Variants in TAFA1 observed in about 807,000 individuals in gnomAD.
The protein encoded by TAFA1 is TAFA chemokine like family member 1.
In TAFA1, 4 loss-of-function variants were observed where a neutral mutation model predicts 18.5. That is an observed-to-expected ratio of 0.22 (90% confidence interval 0.11 to 0.49). The LOEUF (loss-of-function observed/expected upper bound fraction) is 0.49. Ranked by LOEUF, TAFA1 falls within the 20% of genes least tolerant of loss-of-function variation. The pLI, the probability that TAFA1 is intolerant of heterozygous loss-of-function variation, is 0.98. For synonymous variants in TAFA1, 56 were observed against 55.2 expected, an observed-to-expected ratio of 1.01 and a Z score of -0.06; for missense variants, 147 against 169.0, an observed-to-expected ratio of 0.87 and a Z score of 0.72.
intron 2 of TAFA1, among the ~76,000 whole-genome samples, chr3:68,363,001 A>C (rs930089922): frequency 9.7e-5 from 3 of 31,040 alleles, no homozygotes; most frequent in African/African-American, 4.2e-4. Context: ...TTTTTTTTTA[A>C]ATACAGTTTA....
intron 2 of TAFA1, among the ~76,000 whole-genome samples, chr3:68,070,179 C>T (rs912161086): frequency 3.3e-5 from 5 of 152,352 alleles, no homozygotes; most frequent in African/African-American, 1.2e-4. Flanking sequence ...TTACAGCAAA[C>T]TTCTGCCTGA....
intron 3 of TAFA1, among the ~76,000 whole-genome samples, chr3:68,530,792 C>T (rs1276917724): frequency 6.6e-6 from 1 of 151,954 alleles, no homozygotes; most frequent in Non-Finnish European, 1.5e-5. Context: ...GATAAGTTGG[C>T]TCTTGCTTGA....
intron 3 of TAFA1, among the ~76,000 whole-genome samples, chr3:68,444,126 T>A (rs1302339002): frequency 2.6e-5 from 4 of 152,162 alleles, no homozygotes. Context: ...GAAGGGAGTG[T>A]CAGGCAGTGT....
chr3:68,430,762 ACT>A (rs1282005241), intron 3 of TAFA1, among the ~76,000 whole-genome samples: 3 of 151,916 alleles, frequency 2.0e-5, no homozygotes, highest in Non-Finnish European at 2.9e-5. Context: ...TGTCTCATTC[ACT>A]CTCTACTCCC....
chr3:68,258,419 C>T (rs2033541438), intron 2 of TAFA1, among the ~76,000 whole-genome samples: 3 of 152,010 alleles, frequency 2.0e-5, no homozygotes, highest in African/African-American at 4.8e-5. Flanking sequence ...TGTTGTTGAC[C>T]GTATTGAGAA....
At position 68,022,768 on chromosome 3, in the gene TAFA1, G is replaced by C. The variant is rs532748686; in HGVS notation, c.118+16024G>C. Among the ~76,000 whole-genome samples, 4 of 142,664 alleles carry C rather than the reference G, an allele frequency of 2.8e-5. No individual in the cohort carries two copies. In the South Asian group the frequency reaches 6.5e-4, roughly 23 times the overall value. The allele number at this position is 142,664 out of a possible 152,430, so 93.6% of individuals were successfully genotyped here. On this transcript the variant is annotated intron_variant, in intron 2 of 4. Transcript: ENST00000478136. Reference sequence around the variant, plus strand: ...AGAAGACAAAGTGGAAGCTGGCTTTGAAAAAAAATAGCACTTTTCTCCTTC... The same window carrying C: ...AGAAGACAAAGTGGAAGCTGGCTTTCAAAAAAAATAGCACTTTTCTCCTTC...
intron 2 of TAFA1, among the ~76,000 whole-genome samples, chr3:68,350,945 A>T (rs1007869236): frequency 4.6e-5 from 7 of 152,262 alleles, no homozygotes; most frequent in South Asian, 4.1e-4. Flanking sequence ...GCTGAAGCAT[A>T]TGGTACTGTC....
intron 2 of TAFA1, among the ~76,000 whole-genome samples, chr3:68,181,904 A>G (rs1455418509): frequency 2.0e-5 from 3 of 152,194 alleles, no homozygotes; most frequent in East Asian, 1.9e-4. Context: ...CTTTTAAACT[A>G]TATGATAAAT....
intron 2 of TAFA1, among the ~76,000 whole-genome samples, chr3:68,117,969 T>C (rs1416802422): frequency 6.6e-6 from 1 of 152,156 alleles, no homozygotes; most frequent in Non-Finnish European, 1.5e-5. Context: ...AAACTGAAAC[T>C]CTATACCAGT....
At position 68,174,105 on chromosome 3, in the gene TAFA1, T is replaced by G. The variant is rs572855224; in HGVS notation, c.118+167361T>G. On this transcript the variant is annotated intron_variant, in intron 2 of 4. Coordinates refer to ENST00000478136, the MANE Select transcript of TAFA1 (RefSeq NM_213609.4). ...AATGCAAAAAAGGCCCCATTCCAGA[T>G]CTACAGAATCAAAATCTGAATTTTA... is the stretch of plus-strand genomic sequence containing the variant. Among the ~76,000 whole-genome samples, 15 of 152,302 alleles carry G rather than the reference T, an allele frequency of 9.8e-5. No homozygotes were observed. The East Asian group carries it at 2.7e-3, about 27-fold the overall frequency.
chr3:68,410,315 G>A (rs181687359), intron 2 of TAFA1, among the ~76,000 whole-genome samples: 38 of 152,196 alleles, frequency 2.5e-4, no homozygotes, highest in African/African-American at 8.2e-4. Context: ...CAAAAGGAAT[G>A]AGAAGAAAGT....
At chr3:68,221,287 C>T (rs894529719) in intron 2 of TAFA1, among the ~76,000 whole-genome samples, 10 of 152,100 alleles carry the variant, frequency 6.6e-5, no homozygotes, top group Non-Finnish European at 1.5e-5. Flanking sequence ...GCTCTTCTTC[C>T]CTTCTCTTTT....
intron 2 of TAFA1, among the ~76,000 whole-genome samples, chr3:68,290,054 T>C (rs2068080741): frequency 6.6e-6 from 1 of 152,234 alleles, no homozygotes; most frequent in Non-Finnish European, 1.5e-5. Flanking sequence ...GAACTTTAGT[T>C]TCATAGTATC....
intron 2 of TAFA1, among the ~76,000 whole-genome samples, chr3:68,015,276 C>A (rs1455680883): frequency 1.6e-5 from 2 of 121,496 alleles, no homozygotes; most frequent in African/African-American, 3.2e-5. Context: ...AATTTTCTTT[C>A]TTTCTTTTTT....
intron 2 of TAFA1, among the ~76,000 whole-genome samples, chr3:68,303,063 T>C (rs1045112573): frequency 6.6e-6 from 1 of 152,172 alleles, no homozygotes; most frequent in Non-Finnish European, 1.5e-5. Context: ...TCAAGGTGCC[T>C]GGTACATAAA....
intron 2 of TAFA1, among the ~76,000 whole-genome samples, chr3:68,235,438 C>T (rs2066917304): frequency 6.6e-6 from 1 of 152,092 alleles, no homozygotes; most frequent in Non-Finnish European, 1.5e-5. Context: ...GTCTCATATG[C>T]AAATAACATG....
intron 2 of TAFA1, among the ~76,000 whole-genome samples, chr3:68,185,648 A>G (rs1243223510): frequency 6.6e-6 from 1 of 152,016 alleles, no homozygotes; most frequent in Non-Finnish European, 1.5e-5. Flanking sequence ...AGTGGCTCAC[A>G]CCTGTAATCC....
intron 2 of TAFA1, among the ~76,000 whole-genome samples, chr3:68,075,602 T>G (rs991660702): frequency 9.2e-5 from 14 of 152,152 alleles, no homozygotes; most frequent in African/African-American, 3.4e-4. Flanking sequence ...TAACTTAGAA[T>G]TTCCCAAGTG....
chr3:68,426,157 A>C (rs1182047478), intron 3 of TAFA1, among the ~76,000 whole-genome samples: 1 of 152,004 alleles, frequency 6.6e-6, no homozygotes, highest in African/African-American at 2.4e-5. Context: ...AGAAATATAC[A>C]TCAAAACATC....
Sources: allele counts gnomAD v4.1 joint callset (sites outside exome capture counted in the v4.1 genomes callset), GRCh38; gene constraint gnomAD v4.1.1; transcripts MANE v1.5; gene names NCBI Gene and HGNC (gene_info 2026-07-23, HGNC 2026-07-21).